CENATAC: variants seen among roughly 807,000 people sequenced by gnomAD.
The protein encoded by CENATAC is centrosomal AT-AC splicing factor, also known as coiled-coil domain containing 84.
Under a neutral mutation model 53.7 loss-of-function variants are expected in CENATAC, and 53 were observed. The observed-to-expected ratio is 0.99, with a 90% CI of 0.79 to 1.24. CENATAC has a LOEUF of 1.24. CENATAC is among the 50% of genes most tolerant of loss of function. The pLI is 0.00. For synonymous variants in CENATAC, 156 were observed against 144.6 expected (o/e 1.08, Z -0.57); for missense variants, 474 against 417.8 (o/e 1.13, Z -1.17).
At chr11:119,004,042 T>C (rs146612459) in intron 3 of CENATAC, among the ~76,000 whole-genome samples, 22 of 152,338 alleles carry the variant, frequency 1.4e-4, no homozygotes, top group African/African-American at 5.1e-4. Flanking sequence ...TTCTAAGTGA[T>C]TGGAATAGCT....
At chr11:119,014,875 G>A in intron 8 of CENATAC, 119 bp from the exon 9 acceptor site, 1 of 634,060 alleles carries the variant, frequency 1.6e-6, no homozygotes, top group East Asian at 2.8e-5. Context: ...AGAATTCCTG[G>A]GCTTTGCTTT....
At chr11:119,005,949 T>G (rs951395907) in intron 3 of CENATAC, 1 of 150,914 alleles carries the variant, frequency 6.6e-6, no homozygotes, top group Admixed American at 6.6e-5. Flanking sequence ...TTTTTTTTTT[T>G]TTTTTGAGAT....
At chr11:119,002,529 G>C (rs1942358318) in intron 3 of CENATAC, among the ~76,000 whole-genome samples, 1 of 151,554 alleles carries the variant, frequency 6.6e-6, no homozygotes, top group African/African-American at 2.4e-5. Context: ...GTAAAGATGG[G>C]GTTTCACCAT....
At chr11:119,011,136 G>A (rs541602969) in intron 4 of CENATAC, 85 bp from the exon 5 acceptor site, 8 of 1,189,394 alleles carry the variant, frequency 6.7e-6, no homozygotes, top group African/African-American at 3.0e-5. Flanking sequence ...ACGCCTGGGG[G>A]TGGAGGGCCC....
chr11:119,006,915 T>C (rs932632281), intron 3 of CENATAC, among the ~76,000 whole-genome samples: 1 of 152,230 alleles, frequency 6.6e-6, no homozygotes, highest in Non-Finnish European at 1.5e-5. Context: ...CTCTCTGGCC[T>C]GCCACCATGA....
At position 119,015,002 on chromosome 11, in the gene CENATAC, C is replaced by T; in HGVS notation, c.724C>T (p.Pro242Ser). The T allele has an allele frequency of 6.3e-7, 1 of 1,575,224 alleles. No homozygotes were observed. Among genetic ancestry groups the T allele is most frequent in the East Asian group, 2.3e-5 (1 of 44,094 alleles). Residue 242 changes from proline to serine, a missense_variant, in exon 9 of 11, where the codon CCT (proline) becomes TCT (serine). Pro to Ser is a moderately conservative substitution (Grantham distance 74). Coordinates refer to ENST00000334418, the MANE Select transcript of CENATAC (RefSeq NM_198489.3). ...GVGNIHSGAT[P>S]PWMIQDEEYI... ...CTTAATTTTTTTTTCAGGTGCCACA[C>T]CTCCCTGGATGATCCAAGATGAAGA...
At chr11:119,010,859 T>G (rs1297415471) in intron 4 of CENATAC, 29 bp downstream of exon 4, 6 of 1,604,018 alleles carry the variant, frequency 3.7e-6, no homozygotes, top group Non-Finnish European at 5.1e-6. Flanking sequence ...CCCTCACCCT[T>G]TTTGCACCAG....
At position 118,998,416 on chromosome 11, in the gene CENATAC, C is replaced by T; in HGVS notation, c.121-14C>T. On this transcript the variant is annotated splice_polypyrimidine_tract_variant and intron_variant, in intron 1 of 10. Transcript: ENST00000334418. ...GGGTCCCCCTCGGGGTTCTACTTGGCCTCTCTGCGGCAGGTGGAGGCGGCC... is the reference window on the plus strand; with the variant it reads ...GGGTCCCCCTCGGGGTTCTACTTGGTCTCTCTGCGGCAGGTGGAGGCGGCC... 6.2e-7 allele frequency: 1 copy of T among 1,612,760 alleles called. No individual in the cohort carries two copies. Among genetic ancestry groups the T allele is most frequent in the Non-Finnish European group, 8.5e-7 (1 of 1,179,800 alleles).
At chr11:119,008,690 C>CG (rs1278151502) in intron 3 of CENATAC, among the ~76,000 whole-genome samples, 1 of 152,046 alleles carries the variant, frequency 6.6e-6, no homozygotes, top group Non-Finnish European at 1.5e-5. Context: ...TTACAGGTGT[C>CG]GGGCTGGGAG....
At chr11:119,007,648 C>T (rs1942667782) in intron 3 of CENATAC, among the ~76,000 whole-genome samples, 1 of 152,056 alleles carries the variant, frequency 6.6e-6, no homozygotes, top group African/African-American at 2.4e-5. Flanking sequence ...CACCATCACA[C>T]CTGGCTATTT....
chr11:119,008,575 A>C (rs7120445), intron 3 of CENATAC, among the ~76,000 whole-genome samples: 41,923 of 151,926 alleles, frequency 0.28, 6,566 homozygotes, highest in African/African-American at 0.42. Context: ...TCGGGTTTTA[A>C]GCCGAGACAT....
At position 119,003,425 on chromosome 11, in the gene CENATAC, CCTT is replaced by C. The variant is rs534497675; in HGVS notation, c.383+4320_383+4322del. On this transcript the variant is annotated intron_variant, in intron 3 of 10. Transcript: ENST00000334418. ...TTGGCTTTAGGAGGGGCAGGAGCTT[CCTT>C]CTTAGCTTTTGGTGCCATCTTGTGA... 1.6e-3 allele frequency: 764 copies of C among 484,766 alleles called. 1 individual carries two copies. The highest frequency in any genetic ancestry group is 2.5e-3 in the Non-Finnish European group (638 of 252,522). The allele number at this position is 484,766 out of a possible 1,614,324, so 30.0% of individuals were successfully genotyped here. A position where few individuals can be genotyped will look rare whatever the true frequency, so the allele number is the denominator to read the frequency against.
Position 119,015,428 on chromosome 11 carries a change from C to A in CENATAC, c.927C>A (p.Arg309=), listed in dbSNP as rs1390955460. The change falls in exon 10 of 11, where the codon CGC becomes CGA. Residue 309 remains arginine, a synonymous_variant. Coordinates refer to ENST00000334418, the MANE Select transcript of CENATAC (RefSeq NM_198489.3). ...SFGRVWNNGR[R]WQSRHQFKTE... is the part of the protein sequence containing the mutation. ...GCCGCGTCTGGAATAATGGACGCCGCTGGCAGTCCAGGTATGTGTGTTCAG... is the reference window on the plus strand; with the variant it reads ...GCCGCGTCTGGAATAATGGACGCCGATGGCAGTCCAGGTATGTGTGTTCAG... 3.1e-6 allele frequency: 5 copies of A among 1,614,024 alleles called. No individual in the cohort carries two copies. The highest frequency in any genetic ancestry group is 4.2e-6 in the Non-Finnish European group (5 of 1,179,986).
chr11:119,014,485 G>C (rs1021310168), intron 8 of CENATAC: 1 of 152,334 alleles, frequency 6.6e-6, no homozygotes, highest in Non-Finnish European at 1.5e-5. Flanking sequence ...GGGAGGCTGA[G>C]GCAGAATTGT....
intron 3 of CENATAC, among the ~76,000 whole-genome samples, chr11:119,002,243 A>AG: frequency 6.6e-6 from 1 of 151,478 alleles, no homozygotes; most frequent in African/African-American, 2.4e-5. Context: ...AAAAAAAAAA[A>AG]AAAAAGAAAC....
At position 119,015,714 on chromosome 11, in the gene CENATAC, T is replaced by G; in HGVS notation, c.*116T>G. On this transcript the variant is annotated 3_prime_UTR_variant, in exon 11 of 11. Transcript: ENST00000334418. ...TAGGAAACAGACATACTCATTCATTTGATTTAATAAAGTTTTATTTTTCCA... is the reference window on the plus strand; with the variant it reads ...TAGGAAACAGACATACTCATTCATTGGATTTAATAAAGTTTTATTTTTCCA... The G allele has an allele frequency of 7.7e-7, 1 of 1,306,662 alleles. No homozygotes were observed. The highest frequency in any genetic ancestry group is 1.1e-6 in the Non-Finnish European group (1 of 919,780). 80.9% of individuals were successfully genotyped at this position (1,306,662 alleles called of 1,614,324 possible). A position where few individuals can be genotyped will look rare whatever the true frequency, so the allele number is the denominator to read the frequency against.
chr11:119,011,088 A>G (rs1397134423), intron 4 of CENATAC, 133 bp from the exon 5 acceptor site: 1 of 729,874 alleles, frequency 1.4e-6, no homozygotes, highest in Non-Finnish European at 2.3e-6. Flanking sequence ...GTGCTGTTGC[A>G]GCCTGCTTCC....
chr11:119,007,653 C>G (rs1454577297), intron 3 of CENATAC, among the ~76,000 whole-genome samples: 1 of 152,006 alleles, frequency 6.6e-6, no homozygotes, highest in Non-Finnish European at 1.5e-5. Flanking sequence ...TCACACCTGG[C>G]TATTTCTGTA....
chr11:119,013,376 A>C, intron 8 of CENATAC, 114 bp downstream of exon 8: 1 of 716,922 alleles, frequency 1.4e-6, no homozygotes, highest in Non-Finnish European at 2.3e-6. Context: ...GCTCGCTGCA[A>C]CCTCTGCCTC....
Sources: gnomAD v4.1 joint callset for allele counts (sites outside exome capture counted in the v4.1 genomes callset) on GRCh38, gnomAD v4.1.1 for gene constraint, MANE v1.5 for transcripts, NCBI Gene and HGNC (gene_info 2026-07-23, HGNC 2026-07-21) for gene names.